DPYSL5: variants seen among roughly 807,000 people sequenced by gnomAD.
The protein encoded by DPYSL5 is dihydropyrimidinase like 5, also known as dihydropyrimidinase-related protein 5.
A neutral mutation model predicts 58.4 loss-of-function variants in DPYSL5; 9 were observed. The observed-to-expected ratio is 0.15, with a 90% CI of 0.09 to 0.27. The LOEUF (loss-of-function observed/expected upper bound fraction) is 0.27, where lower values mean the gene tolerates loss of function less well. DPYSL5 is among the 10% of genes least tolerant of loss of function. The pLI is 1.00. For missense variants in DPYSL5, 499 were observed against 770.6 expected, an observed-to-expected ratio of 0.65 and a Z score of 4.17; for synonymous variants, 293 against 301.9, an observed-to-expected ratio of 0.97 and a Z score of 0.31.
chr2:26,906,062 G>A (rs1388433386), intron 2 of DPYSL5, among the ~76,000 whole-genome samples: 1 of 152,100 alleles, frequency 6.6e-6, no homozygotes, highest in African/African-American at 2.4e-5. Context: ...AGTGCCTGGA[G>A]GCTGCCAGCA....
intron 1 of DPYSL5, among the ~76,000 whole-genome samples, chr2:26,867,511 G>A (rs504475): frequency 0.015 from 2,262 of 146,928 alleles, 60 homozygotes; most frequent in African/African-American, 0.053. Context: ...GCTGGAGTGC[G>A]GTGGCGGGAT....
At chr2:26,854,765 G>T (rs555390168) in intron 1 of DPYSL5, among the ~76,000 whole-genome samples, 1 of 152,094 alleles carries the variant, frequency 6.6e-6, no homozygotes, top group Admixed American at 6.5e-5. Flanking sequence ...GGATTTTCCA[G>T]CTACTGAGAC....
At position 26,927,364 on chromosome 2, in the gene DPYSL5, T is replaced by C; in HGVS notation, c.532T>C (p.Leu178=). 6.2e-7 allele frequency: 1 copy of C among 1,614,246 alleles called. No individual in the cohort carries two copies. Among genetic ancestry groups the C allele is most frequent in the Non-Finnish European group, 8.5e-7 (1 of 1,180,048 alleles). ...MLRDSELYQV[L]HACKDIGAIA... Reference sequence around the variant, plus strand: ...TCGAGACAGTGAGCTGTACCAAGTGTTGCACGCTTGCAAGGACATTGGGGC... The same window carrying C: ...TCGAGACAGTGAGCTGTACCAAGTGCTGCACGCTTGCAAGGACATTGGGGC... The change falls in exon 4 of 13, where the codon TTG becomes CTG. Residue 178 remains leucine, a synonymous_variant. Coordinates refer to ENST00000288699, the MANE Select transcript of DPYSL5 (RefSeq NM_020134.4). This position sits in a 1 kb window ranked among gnomAD's most constrained non-coding sequence, Gnocchi z 4.3.
chr2:26,923,068 C>A (rs1664742382), intron 2 of DPYSL5, among the ~76,000 whole-genome samples: 2 of 152,162 alleles, frequency 1.3e-5, no homozygotes, highest in African/African-American at 4.8e-5. Flanking sequence ...TATTCCCCAG[C>A]AATATTTTTC....
At chr2:26,938,211 T>G (rs984586682) in intron 8 of DPYSL5, among the ~76,000 whole-genome samples, 5 of 152,160 alleles carry the variant, frequency 3.3e-5, no homozygotes, top group African/African-American at 1.2e-4. Context: ...GTGGGTACCT[T>G]TGTGTAGGAG....
chr2:26,858,730 C>G (rs1248876395), intron 1 of DPYSL5, among the ~76,000 whole-genome samples: 1 of 134,410 alleles, frequency 7.4e-6, no homozygotes, highest in African/African-American at 2.9e-5. Flanking sequence ...CCACCACACC[C>G]AGCTATTTTT....
intron 6 of DPYSL5, among the ~76,000 whole-genome samples, chr2:26,932,199 GAAAGAAAGAAAAGAAA>G (rs1317481284): frequency 2.7e-5 from 2 of 75,324 alleles, no homozygotes; most frequent in Non-Finnish European, 5.9e-5. Context: ...AAGAAAGAAA[GAAAGAAAGAAAAGAAA>G]GAAAGAAAGA....
intron 11 of DPYSL5, among the ~76,000 whole-genome samples, chr2:26,943,958 G>GT (rs1665393308): frequency 6.6e-6 from 1 of 152,176 alleles, no homozygotes; most frequent in East Asian, 1.9e-4. Context: ...GGAGCCTAAG[G>GT]TGGGGAATAA....
chr2:26,922,526 A>T (rs975073873), intron 2 of DPYSL5, among the ~76,000 whole-genome samples: 1 of 152,154 alleles, frequency 6.6e-6, no homozygotes, highest in East Asian at 1.9e-4. Context: ...TTGCCCTGGG[A>T]CCCACAGTAT....
At chr2:26,923,555 G>A (rs770996612) in intron 2 of DPYSL5, among the ~76,000 whole-genome samples, 5 of 152,178 alleles carry the variant, frequency 3.3e-5, no homozygotes, top group Non-Finnish European at 5.9e-5. Context: ...ACGTGGAGCC[G>A]TGAAGCACTG....
chr2:26,934,534 G>T lies in DPYSL5; in HGVS notation c.791-44G>T. 2 of 1,594,606 alleles carry T rather than the reference G, an allele frequency of 1.3e-6. No homozygotes were observed. Among genetic ancestry groups the T allele is most frequent in the South Asian group, 2.2e-5 (2 of 89,766 alleles). Reference sequence around the variant, plus strand: ...GAGGCACACACCAGCGATCGCTCAGGTTCGGTGGCTTCCTGGTTATGGTTC... The same window carrying T: ...GAGGCACACACCAGCGATCGCTCAGTTTCGGTGGCTTCCTGGTTATGGTTC... On this transcript the variant is annotated intron_variant, in intron 7 of 12. Coordinates refer to ENST00000288699, the MANE Select transcript of DPYSL5 (RefSeq NM_020134.4). The surrounding 1 kb of genome is among the most constrained non-coding windows in gnomAD (Gnocchi z 4.3).
At chr2:26,872,298 T>A (rs2148117922) in intron 1 of DPYSL5, among the ~76,000 whole-genome samples, 1 of 152,330 alleles carries the variant, frequency 6.6e-6, no homozygotes, top group African/African-American at 2.4e-5. Flanking sequence ...AAGACATCAT[T>A]TGAATTCTCT....
chr2:26,918,616 G>A (rs943395766), intron 2 of DPYSL5, among the ~76,000 whole-genome samples: 1 of 152,206 alleles, frequency 6.6e-6, no homozygotes, highest in Non-Finnish European at 1.5e-5. Context: ...GCAGCATTAA[G>A]AGCTGCAGAC....
chr2:26,900,500 T>G (rs1174259540), intron 2 of DPYSL5, among the ~76,000 whole-genome samples: 1 of 152,222 alleles, frequency 6.6e-6, no homozygotes, highest in Non-Finnish European at 1.5e-5. Context: ...TTTAGGTCAT[T>G]GCTTGTTTGA....
chr2:26,927,688 T>C lies in DPYSL5; in HGVS notation c.600+256T>C, dbSNP rs1418929419. On this transcript the variant is annotated intron_variant, in intron 4 of 12. Coordinates refer to ENST00000288699, the MANE Select transcript of DPYSL5 (RefSeq NM_020134.4). This position sits in a 1 kb window ranked among gnomAD's most constrained non-coding sequence, Gnocchi z 4.3. ...GGTGATGATGTCTTAATTCTAATGA[T>C]ATGAGATTTAAATTCCATTATAGCA... Among the ~76,000 whole-genome samples the C allele has an allele frequency of 3.9e-5, 6 of 152,242 alleles. No homozygotes were observed. The highest frequency in any genetic ancestry group is 2.0e-4 in the Admixed American group (3 of 15,280).
intron 1 of DPYSL5, among the ~76,000 whole-genome samples, chr2:26,893,859 A>C (rs992386730): frequency 6.6e-6 from 1 of 152,070 alleles, no homozygotes; most frequent in African/African-American, 2.4e-5. Flanking sequence ...CTGCGTATAA[A>C]AGTGGGCTTT....
rs1375276175 is a variant in DPYSL5 at position 26,849,874 on chromosome 2, C to G, written c.-5+1620C>G. 6.6e-6 allele frequency among the ~76,000 whole-genome samples: 1 copy of G among 152,330 alleles called. No homozygotes were observed. Among genetic ancestry groups the G allele is most frequent in the East Asian group, 1.9e-4 (1 of 5,156 alleles). ...GCCTGCAGACAGCCACCCCCCCACT[C>G]CGGCTCGGGTGCCTTCTGGTGCAGC... On this transcript the variant is annotated intron_variant, in intron 1 of 12. Transcript: ENST00000288699. This position sits in a 1 kb window ranked among gnomAD's most constrained non-coding sequence, Gnocchi z 6.2.
rs758619423 is a variant in DPYSL5, at chr2:26,898,557, G to A, written c.58G>A (p.Asp20Asn). The A allele has an allele frequency of 8.1e-6, 13 of 1,614,046 alleles. No individual in the cohort carries two copies. Among genetic ancestry groups the A allele is most frequent in the South Asian group, 4.4e-5 (4 of 91,090 alleles). ...CATCAAGGGAGGCAAGGTGGTGAACGATGACTGCACCCACGAGGCTGACGT... is the reference window on the plus strand; with the variant it reads ...CATCAAGGGAGGCAAGGTGGTGAACAATGACTGCACCCACGAGGCTGACGT... ...ILIKGGKVVN[D>N]DCTHEADVYI... is the part of the protein sequence containing the mutation. Residue 20 changes from aspartate to asparagine, a missense_variant, in exon 2 of 13, where the codon GAT becomes AAT. Around this residue, in one of 3 missense-constraint regions of DPYSL5, gnomAD observed 404 missense variants for 647.6 expected, o/e 0.62. Transcript: ENST00000288699. The surrounding 1 kb of genome is among the most constrained non-coding windows in gnomAD (Gnocchi z 6.1).
intron 1 of DPYSL5, among the ~76,000 whole-genome samples, chr2:26,853,699 G>A (rs1323275601): frequency 1.3e-5 from 2 of 152,140 alleles, no homozygotes; most frequent in African/African-American, 4.8e-5. Context: ...CGGAAACTAG[G>A]CAGGAGCTCA....
Sources: gnomAD v4.1 joint callset for allele counts (sites outside exome capture counted in the v4.1 genomes callset) on GRCh38, gnomAD v4.1.1 for gene constraint, gnomAD v4.1.1 regional missense constraint, Gnocchi (gnomAD v3.1) non-coding constraint, MANE v1.5 for transcripts, NCBI Gene and HGNC (gene_info 2026-07-23, HGNC 2026-07-21) for gene names.